Variants in TENT4A observed in about 807,000 individuals in gnomAD.
TENT4A encodes DNA polymerase kappa.
A neutral mutation model predicts 72.8 loss-of-function variants in TENT4A; 7 were observed. That is an observed-to-expected ratio of 0.10 (90% CI 0.05 to 0.18). TENT4A has a LOEUF of 0.18. Ranked by LOEUF, TENT4A falls within the 10% of genes least tolerant of loss-of-function variation. The pLI is 1.00. For missense variants in TENT4A, 831 were observed against 1,017.7 expected, an observed-to-expected ratio of 0.82 and a Z score of 2.50; for synonymous variants, 456 against 434.3, an observed-to-expected ratio of 1.05 and a Z score of -0.62.
chr5:6,714,814 C>T (rs1250983062), intron 1 of TENT4A, 115 bp downstream of exon 1: 1 of 477,370 alleles, frequency 2.1e-6, no homozygotes, highest in Non-Finnish European at 3.1e-6. Context: ...ATGTTGAAGG[C>T]TAAGGCCAAG....
At chr5:6,732,960 G>T (rs1741284743) in intron 1 of TENT4A, among the ~76,000 whole-genome samples, 1 of 152,192 alleles carries the variant, frequency 6.6e-6, no homozygotes, top group African/African-American at 2.4e-5. Flanking sequence ...TCAAAATGGT[G>T]ACAGAATCTA....
intron 1 of TENT4A, among the ~76,000 whole-genome samples, chr5:6,729,087 C>A (rs1283374638): frequency 6.6e-6 from 1 of 152,160 alleles, no homozygotes; most frequent in Non-Finnish European, 1.5e-5. Context: ...ATATTTACAT[C>A]TTTTCACTCT....
intron 1 of TENT4A, among the ~76,000 whole-genome samples, chr5:6,725,563 G>T (rs1740875958): frequency 6.6e-6 from 1 of 152,238 alleles, no homozygotes; most frequent in Non-Finnish European, 1.5e-5. Flanking sequence ...ACCACCTGCT[G>T]TGTGTGCCAT....
intron 9 of TENT4A, 49 bp from the exon 10 acceptor site, chr5:6,750,272 GGGGCGGCTCC>G: frequency 7.0e-7 from 1 of 1,436,084 alleles, no homozygotes; most frequent in Admixed American, 2.2e-5. Flanking sequence ...TGATGCTGCC[GGGGCGGCTCC>G]ACGCCGCAGT....
At chr5:6,722,011 G>A (rs1740678057) in intron 1 of TENT4A, among the ~76,000 whole-genome samples, 1 of 152,216 alleles carries the variant, frequency 6.6e-6, no homozygotes, top group African/African-American at 2.4e-5. Context: ...ATGAAAAGTC[G>A]AATGTATTTT....
chr5:6,731,209 G>C (rs538508728), intron 1 of TENT4A, among the ~76,000 whole-genome samples: 1 of 152,328 alleles, frequency 6.6e-6, no homozygotes, highest in African/African-American at 2.4e-5. Context: ...GAAACCACTA[G>C]TTTTAAGGGT....
At chr5:6,730,582 C>G (rs1362702382) in intron 1 of TENT4A, among the ~76,000 whole-genome samples, 1 of 152,098 alleles carries the variant, frequency 6.6e-6, no homozygotes, top group Non-Finnish European at 1.5e-5. Flanking sequence ...TACACGTGAG[C>G]CTGCAGCTTC....
At chr5:6,739,024 C>T (rs1290907698) in intron 3 of TENT4A, among the ~76,000 whole-genome samples, 3 of 152,152 alleles carry the variant, frequency 2.0e-5, no homozygotes, top group Non-Finnish European at 4.4e-5. Flanking sequence ...CAATAGAAGA[C>T]ATTCTGCTGA....
chr5:6,747,030 A>T (rs190293888), intron 7 of TENT4A, among the ~76,000 whole-genome samples: 3 of 152,244 alleles, frequency 2.0e-5, no homozygotes, highest in Non-Finnish European at 2.9e-5. Flanking sequence ...CTTTGGTGAC[A>T]GTCTTTTAAA....
chr5:6,737,457 AAT>A (rs1741565181), intron 1 of TENT4A, 51 bp from the exon 2 acceptor site: 7 of 1,495,490 alleles, frequency 4.7e-6, no homozygotes, highest in Non-Finnish European at 6.4e-6. Flanking sequence ...CAGAACAGAA[AAT>A]GTGGTGACAT....
At chr5:6,728,366 TG>T (rs1170834091) in intron 1 of TENT4A, among the ~76,000 whole-genome samples, 1 of 152,246 alleles carries the variant, frequency 6.6e-6, no homozygotes, top group Non-Finnish European at 1.5e-5. Context: ...CACAGCCCCC[TG>T]GCAGCGGTGC....
chr5:6,751,021 T>A lies in TENT4A; in HGVS notation c.1861-18T>A, dbSNP rs1357882761. 6.2e-7 allele frequency: 1 copy of A among 1,612,928 alleles called. No homozygotes were observed. On this transcript the variant is annotated intron_variant, in intron 10 of 12. Transcript: ENST00000230859. ...TTGTGGTACAGCTGTCCTTTTTGTT[T>A]TTTGTACCGGGTTCAAGGATTCAGA...
intron 9 of TENT4A, among the ~76,000 whole-genome samples, chr5:6,750,004 T>A (rs140762920): frequency 1.2e-4 from 19 of 152,370 alleles, no homozygotes; most frequent in African/African-American, 4.6e-4. Flanking sequence ...TTGTACTGTC[T>A]GAAATCCGGT....
At chr5:6,736,175 T>C (rs1201944651) in intron 1 of TENT4A, among the ~76,000 whole-genome samples, 1 of 152,026 alleles carries the variant, frequency 6.6e-6, no homozygotes, top group Non-Finnish European at 1.5e-5. Context: ...CTGGAGTCTC[T>C]CGTGTGTGCT....
chr5:6,714,749 G>A, intron 1 of TENT4A, 50 bp downstream of exon 1: 2 of 1,098,986 alleles, frequency 1.8e-6, no homozygotes, highest in Non-Finnish European at 2.3e-6. Context: ...CATGGTCCTG[G>A]CCGGCGCCCG....
intron 1 of TENT4A, among the ~76,000 whole-genome samples, chr5:6,735,800 G>A (rs1255850017): frequency 1.4e-5 from 2 of 147,818 alleles, no homozygotes; most frequent in African/African-American, 2.5e-5. Context: ...TTGCTCTGTC[G>A]CCCAGGCTGG....
chr5:6,723,818 C>T (rs550943990), intron 1 of TENT4A, among the ~76,000 whole-genome samples: 1 of 152,332 alleles, frequency 6.6e-6, no homozygotes, highest in South Asian at 2.1e-4. Context: ...CAGTCCTGCG[C>T]AGTAGTACGC....
intron 1 of TENT4A, among the ~76,000 whole-genome samples, chr5:6,717,537 G>A (rs1241676467): frequency 6.6e-6 from 1 of 152,260 alleles, no homozygotes; most frequent in Non-Finnish European, 1.5e-5. Flanking sequence ...TCTGCTTCAA[G>A]TAGGATGAAG....
rs1270290772 is a variant in TENT4A at position 6,755,678 on chromosome 5, G to T, written c.*733G>T. On this transcript the variant is annotated 3_prime_UTR_variant, in exon 13 of 13. Transcript: ENST00000230859. ...CGGAAGTGAGTGAAGGAGCCAGGTC[G>T]CCCTGAAGGTTTTCCAAAGGGCTTG... 2 of 152,374 alleles carry T rather than the reference G, an allele frequency of 1.3e-5. No homozygotes were observed. The highest frequency in any genetic ancestry group is 4.1e-4 in the South Asian group (2 of 4,836). 9.4% of individuals were successfully genotyped at this position (152,374 alleles called of 1,614,324 possible). A position where few individuals can be genotyped will look rare whatever the true frequency, so the allele number is the denominator to read the frequency against.
Sources: gnomAD v4.1 joint callset for allele counts (sites outside exome capture counted in the v4.1 genomes callset) on GRCh38, gnomAD v4.1.1 for gene constraint, MANE v1.5 for transcripts, NCBI Gene and HGNC (gene_info 2026-07-23, HGNC 2026-07-21) for gene names.